ECHDC2: variants seen among roughly 807,000 people sequenced by gnomAD.
ECHDC2 encodes enoyl-CoA hydratase domain containing 2.
Under a neutral mutation model 40.6 loss-of-function variants are expected in ECHDC2, and 34 were observed. The ratio of observed to expected loss-of-function variants is 0.84; its 90% confidence interval spans 0.64 to 1.11. The LOEUF is 1.11. ECHDC2 is among the 50% of genes most tolerant of loss of function. The pLI is 0.00. For synonymous variants in ECHDC2, 162 were observed against 166.6 expected, an observed-to-expected ratio of 0.97 and a Z score of 0.21; for missense variants, 392 against 400.7, an observed-to-expected ratio of 0.98 and a Z score of 0.19.
At chr1:52,897,385 T>C (rs1309721632) in intron 9 of ECHDC2, 52 bp downstream of exon 9, 3 of 1,596,306 alleles carry the variant, frequency 1.9e-6, no homozygotes, top group African/African-American at 2.7e-5. Flanking sequence ...AAAGTCCCTC[T>C]AGCCTGGCCC....
intron 3 of ECHDC2, among the ~76,000 whole-genome samples, chr1:52,908,303 A>AGTT (rs1245246685): frequency 6.6e-6 from 1 of 151,998 alleles, no homozygotes; most frequent in East Asian, 1.9e-4. Flanking sequence ...TGAGGTCAGT[A>AGTT]GTTCAAGACC....
chr1:52,920,680 G>A, intron 1 of ECHDC2: 2 of 638,880 alleles, frequency 3.1e-6, no homozygotes, highest in South Asian at 3.8e-5. Context: ...AACATCTTTT[G>A]CCACCTATGG....
In ECHDC2 at chr1:52,896,256, A is replaced by T. The variant is rs1044365; in HGVS notation, c.*264T>A. The T allele has an allele frequency of 2.1e-6, 1 of 466,484 alleles. No homozygotes were observed. The highest frequency in any genetic ancestry group is 2.0e-5 in the African/African-American group (1 of 50,838). The allele number at this position is 466,484 out of a possible 1,614,324, so 28.9% of individuals were successfully genotyped here. ...ATCTAATTTAATTCTTTATCATTCA[A>T]GTAGAGAGACAGGCATTTTCCAAAG... On this transcript the variant is annotated 3_prime_UTR_variant, in exon 10 of 10. Coordinates refer to ENST00000371522, the MANE Select transcript of ECHDC2 (RefSeq NM_001198961.2).
Position 52,904,672 on chromosome 1 carries a change from C to A in ECHDC2, c.676G>T (p.Ala226Ser). ...EGDAAYQRAR[A>S]LAQEILPQAP... Reference sequence around the variant, plus strand: ...TGGGGCAGGATCTCCTGGGCCAGTGCTCGTGCCCGCTGGTAGGCGGCGTCC... The same window carrying A: ...TGGGGCAGGATCTCCTGGGCCAGTGATCGTGCCCGCTGGTAGGCGGCGTCC... Residue 226 changes from alanine to serine, a missense_variant, in exon 7 of 10, where the codon GCA becomes TCA. Ala to Ser is a moderately conservative substitution (Grantham distance 99, BLOSUM62 1). Transcript: ENST00000371522. 1 of 1,607,302 alleles carries A rather than the reference C, an allele frequency of 6.2e-7. No homozygotes were observed. The highest frequency in any genetic ancestry group is 8.5e-7 in the Non-Finnish European group (1 of 1,177,316).
intron 5 of ECHDC2, chr1:52,906,069 T>C (rs1159276829): frequency 9.0e-6 from 3 of 333,098 alleles, no homozygotes; most frequent in East Asian, 1.7e-4. Context: ...CAAACAAAGC[T>C]CAATTGCTCA....
Position 52,904,815 on chromosome 1 carries a change from G to A in ECHDC2, c.533C>T (p.Pro178Leu). The change falls in exon 7 of 10, where the codon CCC becomes CTC. Residue 178 changes from proline to leucine, a missense_variant. Physicochemically the swap from Pro to Leu is moderately conservative, Grantham distance 98. Coordinates refer to ENST00000371522, the MANE Select transcript of ECHDC2 (RefSeq NM_001198961.2). Reference protein sequence around the residue: ...LPGAGGTQRLPRCLGVALAKE... With the variant: ...LPGAGGTQRLLRCLGVALAKE... ...CGCCAGGGCCACCCCCAGACAACGG[G>A]GCAGCCTCTGAGTCCCTCCTACCAG... The A allele has an allele frequency of 6.2e-7, 1 of 1,612,610 alleles. No homozygotes were observed. The highest frequency in any genetic ancestry group is 2.2e-5 in the East Asian group (1 of 44,872).
intron 1 of ECHDC2, among the ~76,000 whole-genome samples, chr1:52,921,197 G>A (rs79932634): frequency 0.018 from 2,730 of 152,104 alleles, 30 homozygotes; most frequent in Non-Finnish European, 0.025. Context: ...CCCCCGAACC[G>A]GGCCAGGACC....
Position 52,921,609 on chromosome 1 carries a change from T to A in ECHDC2, c.65A>T (p.Asp22Val). Residue 22 changes from aspartate to valine, a missense_variant, in exon 1 of 10, where the codon GAC becomes GTC. Physicochemically the swap from Asp to Val is radical, Grantham distance 152. Transcript: ENST00000371522. ...GATCTCTGAGCCCCCGGCCGCCCCG[T>A]CGGAAGCGCAGCCGCGGGCCCGAAG... Reference protein sequence around the residue: ...RPLRARGCASDGAAGGSEIQV... With the variant: ...RPLRARGCASVGAAGGSEIQV... 1 of 1,602,692 alleles carries A rather than the reference T, an allele frequency of 6.2e-7. No individual in the cohort carries two copies. The highest frequency in any genetic ancestry group is 8.5e-7 in the Non-Finnish European group (1 of 1,175,532).
rs780339691 is a variant in ECHDC2 at position 52,904,845 on chromosome 1, G to A, written c.515-12C>T. The A allele has an allele frequency of 1.4e-5, 22 of 1,609,346 alleles. No homozygotes were observed. In the Admixed American group the frequency reaches 3.3e-4, roughly 24 times the overall value. ...CCTCTGAGTCCCTCCTACCAGGATG[G>A]AGGGAGCAGGGTGGGAATCAGCATG... is the stretch of plus-strand genomic sequence containing the variant. On this transcript the variant is annotated splice_polypyrimidine_tract_variant and intron_variant, in intron 6 of 9. Transcript: ENST00000371522.
chr1:52,905,855 C>T, intron 5 of ECHDC2: 1 of 178,640 alleles, frequency 5.6e-6, no homozygotes, highest in Non-Finnish European at 1.2e-5. Flanking sequence ...TTCTCTTTGA[C>T]CTGCATTGTG....
intron 4 of ECHDC2, 28 bp from the exon 5 acceptor site, chr1:52,906,639 G>T: frequency 6.4e-7 from 1 of 1,572,794 alleles, no homozygotes; most frequent in Non-Finnish European, 8.7e-7. Flanking sequence ...GGCTCAGCCT[G>T]CAAAGCCCTG....
At chr1:52,903,877 G>T (rs1647167692) in intron 7 of ECHDC2, among the ~76,000 whole-genome samples, 1 of 150,940 alleles carries the variant, frequency 6.6e-6, no homozygotes, top group Non-Finnish European at 1.5e-5. Context: ...GAGTGCAATG[G>T]CGCGATCTTG....
rs532560153 is a variant in ECHDC2 at position 52,906,941 on chromosome 1, A to ATT, written c.365-332_365-331dup. The ATT allele has an allele frequency of 4.2e-3, 449 of 107,184 alleles. 1 individual carries two copies. The highest frequency in any genetic ancestry group is 0.019 in the East Asian group (74 of 3,802). The allele number at this position is 107,184 out of a possible 1,614,324, so 6.6% of individuals were successfully genotyped here. A position where few individuals can be genotyped will look rare whatever the true frequency, so the allele number is the denominator to read the frequency against. ...CACCACGCCCAGCTAATTTTTTTGT[A>ATT]TTTTTTTTTTTTTTTTTTTAAGTAG... On this transcript the variant is annotated intron_variant, in intron 4 of 9. Coordinates refer to ENST00000371522, the MANE Select transcript of ECHDC2 (RefSeq NM_001198961.2).
At chr1:52,918,552 TC>T (rs1651231121) in intron 1 of ECHDC2, among the ~76,000 whole-genome samples, 2 of 152,108 alleles carry the variant, frequency 1.3e-5, no homozygotes, top group Non-Finnish European at 2.9e-5. Context: ...TGTGCTTGTG[TC>T]TTTGTTTTTA....
At chr1:52,920,756 AG>A (rs1305948760) in intron 1 of ECHDC2, among the ~76,000 whole-genome samples, 1 of 151,906 alleles carries the variant, frequency 6.6e-6, no homozygotes, top group African/African-American at 2.4e-5. Context: ...AAAAAAAAAA[AG>A]AAGCAATACA....
rs1646705420 is a variant in ECHDC2, at chr1:52,897,401, A to G, written c.801+36T>C. The G allele has an allele frequency of 2.5e-6, 4 of 1,610,254 alleles. No homozygotes were observed. The South Asian group carries it at 3.3e-5, about 13-fold the overall frequency. On this transcript the variant is annotated intron_variant, in intron 9 of 9. Transcript: ENST00000371522. ...AAGTCCCTCTAGCCTGGCCCAGCCT[A>G]TGTTAACAAGCAGGCATGGGCTGGT...
intron 3 of ECHDC2, among the ~76,000 whole-genome samples, chr1:52,909,507 C>T (rs541596450): frequency 1.1e-4 from 16 of 144,074 alleles, no homozygotes; most frequent in East Asian, 5.9e-4. Context: ...CTAACACCAA[C>T]GGTAACTGAT....
intron 1 of ECHDC2, chr1:52,917,454 G>A: frequency 2.3e-6 from 1 of 430,094 alleles, no homozygotes; most frequent in South Asian, 1.7e-5. Context: ...CAGCAGAGCA[G>A]GGGAGTTCCA....
chr1:52,911,886 G>A, intron 1 of ECHDC2, 96 bp from the exon 2 acceptor site: 1 of 1,549,492 alleles, frequency 6.5e-7, no homozygotes, highest in Non-Finnish European at 8.7e-7. Flanking sequence ...GGGATCTGGG[G>A]AGCCTCTGCC....
Sources: allele counts gnomAD v4.1 joint callset (sites outside exome capture counted in the v4.1 genomes callset), GRCh38; gene constraint gnomAD v4.1.1; transcripts MANE v1.5; gene names NCBI Gene and HGNC (gene_info 2026-07-23, HGNC 2026-07-21).